The following MAPKAP1 variants were observed in gnomAD, a reference collection of about 807,000 sequenced individuals.
The protein encoded by MAPKAP1 is target of rapamycin complex 2 subunit MAPKAP1.
MAPKAP1 carries 20 observed loss-of-function variants against 65.7 expected under a neutral mutation model. The ratio of observed to expected loss-of-function variants is 0.30; its 90% CI spans 0.21 to 0.44. The LOEUF (loss-of-function observed/expected upper bound fraction) is 0.44, where lower values mean the gene tolerates loss of function less well. MAPKAP1 is among the 20% of genes least tolerant of loss of function. MAPKAP1 has a pLI of 1.00. For synonymous variants in MAPKAP1, 222 were observed against 244.3 expected (o/e 0.91, Z 0.85); for missense variants, 423 against 648.0 (o/e 0.65, Z 3.77).
At chr9:125,648,555 C>T (rs971014221) in intron 4 of MAPKAP1, among the ~76,000 whole-genome samples, 5 of 152,218 alleles carry the variant, frequency 3.3e-5, no homozygotes, top group Admixed American at 2.6e-4. Context: ...GACTAACACT[C>T]AAGTCTTCTG....
intron 4 of MAPKAP1, among the ~76,000 whole-genome samples, chr9:125,616,757 T>C (rs1430545718): frequency 2.6e-5 from 4 of 152,294 alleles, no homozygotes; most frequent in East Asian, 1.9e-4. Flanking sequence ...GTAAGACAGT[T>C]TGGCATTATC....
intron 10 of MAPKAP1, among the ~76,000 whole-genome samples, chr9:125,461,437 G>A (rs1368462439): frequency 1.3e-5 from 2 of 152,174 alleles, no homozygotes; most frequent in African/African-American, 4.8e-5. Context: ...CTTGAAAGGC[G>A]AGCCTTGTAA....
At chr9:125,693,753 ATATATACACG>A (rs1340410104) in intron 1 of MAPKAP1, among the ~76,000 whole-genome samples, 5 of 147,266 alleles carry the variant, frequency 3.4e-5, no homozygotes, top group South Asian at 2.1e-4. Flanking sequence ...ATATATACAC[ATATATACACG>A]TATATACACA....
intron 9 of MAPKAP1, among the ~76,000 whole-genome samples, chr9:125,474,113 C>T (rs993600290): frequency 1.6e-4 from 25 of 152,054 alleles, no homozygotes; most frequent in African/African-American, 5.8e-4. Flanking sequence ...GTCTGGGGAG[C>T]TCAGGGAGCC....
chr9:125,510,815 G>A (rs1263204933), intron 7 of MAPKAP1, among the ~76,000 whole-genome samples: 2 of 152,166 alleles, frequency 1.3e-5, no homozygotes, highest in East Asian at 1.9e-4. Context: ...ATATTTCACA[G>A]AGAAAGATTA....
chr9:125,593,025 G>A (rs1486043091), intron 4 of MAPKAP1, among the ~76,000 whole-genome samples: 2 of 149,292 alleles, frequency 1.3e-5, no homozygotes, highest in African/African-American at 4.9e-5. Context: ...GGCTGGGCAT[G>A]GTGGCTCACA....
intron 11 of MAPKAP1, among the ~76,000 whole-genome samples, chr9:125,440,202 C>T (rs1177259918): frequency 2.6e-5 from 4 of 152,176 alleles, no homozygotes; most frequent in African/African-American, 4.8e-5. Flanking sequence ...TGGCACTGCT[C>T]GGAGTGCCTT....
rs577942143 is a variant in MAPKAP1 at position 125,598,590 on chromosome 9, A to G, written c.499-12863T>C. The stretch of plus-strand genomic sequence containing the variant: ...GGCAGTACAGTGTGATTAAGAGCAC[A>G]AGTCGGGGCATCAGATAGATCTGAG... On this transcript the variant is annotated intron_variant, in intron 4 of 11. Transcript: ENST00000265960. Among the ~76,000 whole-genome samples, 141 of 152,318 alleles carry G rather than the reference A, an allele frequency of 9.3e-4. 1 individual carries two copies. The highest frequency in any genetic ancestry group is 1.4e-3 in the Non-Finnish European group (96 of 68,034).
intron 4 of MAPKAP1, among the ~76,000 whole-genome samples, chr9:125,613,944 C>A (rs888645502): frequency 1.3e-5 from 2 of 152,086 alleles, no homozygotes; most frequent in Admixed American, 6.5e-5. Flanking sequence ...ACTACAGGCG[C>A]CCGCCACCAC....
At position 125,705,093 on chromosome 9, in the gene MAPKAP1, C is replaced by T. The variant is rs188426195; in HGVS notation, c.-70+1878G>A. ...GCCATCTCCTTGCCTTGGAAGAGCA[C>T]AGTCTTTACATTTAAAAGATTTCTG... On this transcript the variant is annotated intron_variant, in intron 1 of 11. Transcript: ENST00000265960. Among the ~76,000 whole-genome samples, 12 of 152,324 alleles carry T rather than the reference C, an allele frequency of 7.9e-5. No individual in the cohort carries two copies. The East Asian group carries it at 2.3e-3, about 29-fold the overall frequency.
intron 7 of MAPKAP1, among the ~76,000 whole-genome samples, chr9:125,525,027 C>A (rs530626795): frequency 8.7e-4 from 133 of 152,310 alleles, no homozygotes; most frequent in African/African-American, 2.9e-3. Context: ...GACAGATGCA[C>A]ACATTCTGGG....
At chr9:125,594,804 A>T (rs1474477479) in intron 4 of MAPKAP1, among the ~76,000 whole-genome samples, 1 of 152,154 alleles carries the variant, frequency 6.6e-6, no homozygotes, top group Non-Finnish European at 1.5e-5. Flanking sequence ...GTTTCATGCT[A>T]GCTGGCTAAA....
At chr9:125,596,560 C>T in intron 4 of MAPKAP1, 1 of 695,446 alleles carries the variant, frequency 1.4e-6, no homozygotes, top group East Asian at 2.7e-5. Context: ...CTTTCCCAAA[C>T]CACAAAACCG....
chr9:125,581,965 G>T (rs1161090654), intron 5 of MAPKAP1, among the ~76,000 whole-genome samples: 1 of 151,928 alleles, frequency 6.6e-6, no homozygotes, highest in African/African-American at 2.4e-5. Flanking sequence ...TTGCTTCTCT[G>T]CTATTCCCTT....
At chr9:125,690,654 C>T (rs888832504) in intron 1 of MAPKAP1, among the ~76,000 whole-genome samples, 4 of 152,150 alleles carry the variant, frequency 2.6e-5, no homozygotes, top group Non-Finnish European at 4.4e-5. Context: ...ATTATTATTG[C>T]TATTATTCCC....
intron 1 of MAPKAP1, among the ~76,000 whole-genome samples, chr9:125,706,675 CACCT>C (rs1164723900): frequency 6.6e-6 from 1 of 151,992 alleles, no homozygotes; most frequent in Non-Finnish European, 1.5e-5. Flanking sequence ...AAGACCAGGG[CACCT>C]AGATATTGCC....
chr9:125,513,304 A>G (rs1336645029), intron 7 of MAPKAP1: 1 of 151,698 alleles, frequency 6.6e-6, no homozygotes, highest in East Asian at 1.9e-4. Context: ...ATTGCTGACC[A>G]TAAGAACAAG....
At chr9:125,674,296 T>C (rs1335761369) in intron 1 of MAPKAP1, among the ~76,000 whole-genome samples, 2 of 152,202 alleles carry the variant, frequency 1.3e-5, no homozygotes, top group Non-Finnish European at 2.9e-5. Context: ...ATAATTTCAA[T>C]GATCAATTCT....
intron 5 of MAPKAP1, among the ~76,000 whole-genome samples, chr9:125,576,112 T>C (rs1206717941): frequency 1.3e-5 from 2 of 152,166 alleles, no homozygotes; most frequent in African/African-American, 4.8e-5. Context: ...TCCAACTAGA[T>C]GGCGTTCTGT....
Sources: allele counts gnomAD v4.1 joint callset (sites outside exome capture counted in the v4.1 genomes callset), GRCh38; gene constraint gnomAD v4.1.1; transcripts MANE v1.5; gene names NCBI Gene and HGNC (gene_info 2026-07-23, HGNC 2026-07-21).